The following PACSIN2 variants were observed in gnomAD, a reference collection of about 807,000 sequenced individuals.
PACSIN2 encodes protein kinase C and casein kinase substrate in neurons 2.
A neutral mutation model predicts 63.8 loss-of-function variants in PACSIN2; 25 were observed. That is an observed-to-expected ratio of 0.39 (90% CI 0.29 to 0.55). The LOEUF is 0.55. Ranked by LOEUF, PACSIN2 falls within the 20% of genes least tolerant of loss-of-function variation. PACSIN2 has a pLI of 0.62. For missense variants in PACSIN2, 518 were observed against 646.9 expected, an observed-to-expected ratio of 0.80 and a Z score of 2.16; for synonymous variants, 255 against 256.2, an observed-to-expected ratio of 1.00 and a Z score of 0.05.
At chr22:42,979,741 C>T (rs1297553383) in intron 1 of PACSIN2, among the ~76,000 whole-genome samples, 1 of 152,144 alleles carries the variant, frequency 6.6e-6, no homozygotes, top group African/African-American at 2.4e-5. Flanking sequence ...TAAACACAGA[C>T]ATTGCCTCCT....
chr22:42,876,677 G>C (rs2146631525), intron 9 of PACSIN2, among the ~76,000 whole-genome samples: 1 of 152,356 alleles, frequency 6.6e-6, no homozygotes, highest in Middle Eastern at 3.4e-3. Context: ...AGCAACTTAA[G>C]ATTGTTAGCT....
At chr22:42,966,927 T>C (rs1920964905) in intron 1 of PACSIN2, among the ~76,000 whole-genome samples, 1 of 152,242 alleles carries the variant, frequency 6.6e-6, no homozygotes, top group Non-Finnish European at 1.5e-5. Flanking sequence ...GTGTGATTTT[T>C]TTCCCCTCAT....
rs74978420 is a variant in PACSIN2, at chr22:42,934,665, G to A, written c.-77-22508C>T. Among the ~76,000 whole-genome samples the A allele has an allele frequency of 4.1e-3, 621 of 152,258 alleles. 3 individuals are homozygous for A. Among genetic ancestry groups the A allele is most frequent in the African/African-American group, 0.014 (587 of 41,556 alleles). On this transcript the variant is annotated intron_variant, in intron 1 of 10. Coordinates refer to ENST00000263246, the MANE Select transcript of PACSIN2 (RefSeq NM_001184970.3). ...CATCTCCTCCAAGAAGCCCCCCACC[G>A]TTCTAGTGACCCTTTGCCCACCACT...
intron 1 of PACSIN2, among the ~76,000 whole-genome samples, chr22:42,985,671 T>G (rs1922558441): frequency 6.6e-6 from 1 of 152,138 alleles, no homozygotes; most frequent in Non-Finnish European, 1.5e-5. Flanking sequence ...CACAGACACA[T>G]TCACATGTCA....
At chr22:42,886,730 G>A (rs1929516752) in intron 5 of PACSIN2, among the ~76,000 whole-genome samples, 1 of 152,154 alleles carries the variant, frequency 6.6e-6, no homozygotes, top group Admixed American at 6.5e-5. Context: ...GGGAGGGACT[G>A]GCCTCCTCTC....
chr22:42,878,196 C>G (rs1339856478), intron 8 of PACSIN2, among the ~76,000 whole-genome samples: 2 of 152,224 alleles, frequency 1.3e-5, no homozygotes, highest in Non-Finnish European at 2.9e-5. Context: ...TTTCTTCTTT[C>G]CCATTCCCAC....
intron 1 of PACSIN2, among the ~76,000 whole-genome samples, chr22:42,953,314 T>C (rs1198996320): frequency 5.3e-5 from 8 of 150,290 alleles, no homozygotes; most frequent in South Asian, 4.2e-4. Flanking sequence ...AAAAATGCAA[T>C]GGAAAATGGG....
intron 1 of PACSIN2, among the ~76,000 whole-genome samples, chr22:42,972,564 T>A (rs569440442): frequency 6.6e-6 from 1 of 152,118 alleles, no homozygotes; most frequent in African/African-American, 2.4e-5. Context: ...TAGTTCCTTA[T>A]ACATCTAGGA....
intron 1 of PACSIN2, among the ~76,000 whole-genome samples, chr22:42,927,338 G>A (rs1250772764): frequency 1.3e-5 from 2 of 151,456 alleles, no homozygotes; most frequent in Non-Finnish European, 2.9e-5. Flanking sequence ...CTCTGCCCCC[G>A]AGTTCAAGCA....
chr22:42,882,437 C>T (rs1241913546), intron 6 of PACSIN2, 133 bp from the exon 7 acceptor site: 1 of 988,714 alleles, frequency 1.0e-6, no homozygotes, highest in Non-Finnish European at 1.5e-6. Context: ...AGCCAGAACA[C>T]TCCTCCCTTG....
chr22:42,911,897 A>G lies in PACSIN2; in HGVS notation c.60+124T>C, dbSNP rs529500635. On this transcript the variant is annotated intron_variant, in intron 2 of 10. Coordinates refer to ENST00000263246, the MANE Select transcript of PACSIN2 (RefSeq NM_001184970.3). Reference sequence around the variant, plus strand: ...TCTGCTGCTATCTAGGTCTGACTACAAATGCATGGCTGGTTTGGGGGTATG... The same window carrying G: ...TCTGCTGCTATCTAGGTCTGACTACGAATGCATGGCTGGTTTGGGGGTATG... 4 of 699,734 alleles carry G rather than the reference A, an allele frequency of 5.7e-6. No individual in the cohort carries two copies. In the South Asian group the frequency reaches 6.7e-5, roughly 12 times the overall value. The allele number at this position is 699,734 out of a possible 1,614,324, so 43.3% of individuals were successfully genotyped here. A position where few individuals can be genotyped will look rare whatever the true frequency, so the allele number is the denominator to read the frequency against.
intron 1 of PACSIN2, among the ~76,000 whole-genome samples, chr22:42,995,319 A>T (rs961176331): frequency 6.6e-6 from 1 of 152,222 alleles, no homozygotes; most frequent in African/African-American, 2.4e-5. Flanking sequence ...TTCAATGCAA[A>T]TATTTAAAGA....
chr22:42,992,633 CAA>C (rs1923116929), intron 1 of PACSIN2, among the ~76,000 whole-genome samples: 1 of 152,176 alleles, frequency 6.6e-6, no homozygotes, highest in Non-Finnish European at 1.5e-5. Flanking sequence ...GACTGGCACA[CAA>C]ATGTTAATAG....
intron 1 of PACSIN2, among the ~76,000 whole-genome samples, chr22:42,932,400 A>G (rs752700759): frequency 2.6e-5 from 4 of 152,150 alleles, no homozygotes; most frequent in South Asian, 2.1e-4. Context: ...CCACTACCTC[A>G]GTTTTTACCT....
chr22:42,888,857 A>T, intron 4 of PACSIN2, 59 bp from the exon 5 acceptor site: 2 of 1,554,990 alleles, frequency 1.3e-6, no homozygotes, highest in Non-Finnish European at 1.8e-6. Flanking sequence ...TCCTCACTAG[A>T]AGTCACACAG....
In PACSIN2 at chr22:42,899,702, T is replaced by C. The variant is rs546260889; in HGVS notation, c.61-6089A>G. Reference sequence around the variant, plus strand: ...GCTTCATTCTGGGCTTAGATTCCCATAGAAGTGTTCCCTTTGGTCCCAGGA... The same window carrying C: ...GCTTCATTCTGGGCTTAGATTCCCACAGAAGTGTTCCCTTTGGTCCCAGGA... On this transcript the variant is annotated intron_variant, in intron 2 of 10. Coordinates refer to ENST00000263246, the MANE Select transcript of PACSIN2 (RefSeq NM_001184970.3). Among the ~76,000 whole-genome samples the C allele has an allele frequency of 5.3e-5, 8 of 152,266 alleles. No homozygotes were observed. The South Asian group carries it at 1.2e-3, about 24-fold the overall frequency.
At position 42,871,323 on chromosome 22, in the gene PACSIN2, G is replaced by T; in HGVS notation, c.*34C>A. 1 of 1,396,286 alleles carries T rather than the reference G, an allele frequency of 7.2e-7. No individual in the cohort carries two copies. The highest frequency in any genetic ancestry group is 1.0e-6 in the Non-Finnish European group (1 of 992,798). The allele number at this position is 1,396,286 out of a possible 1,614,324, so 86.5% of individuals were successfully genotyped here. A position where few individuals can be genotyped will look rare whatever the true frequency, so the allele number is the denominator to read the frequency against. On this transcript the variant is annotated 3_prime_UTR_variant, in exon 11 of 11. Coordinates refer to ENST00000263246, the MANE Select transcript of PACSIN2 (RefSeq NM_001184970.3). The surrounding 1 kb of genome is among the most constrained non-coding windows in gnomAD (Gnocchi z 5.4). ...GCTGGCTGAGGCTCCTGGGCCCGCC[G>T]CCTCCGTCCCCCCGCTGGCCTGTCC...
intron 3 of PACSIN2, among the ~76,000 whole-genome samples, chr22:42,892,543 G>A (rs1929987212): frequency 6.6e-6 from 1 of 152,220 alleles, no homozygotes; most frequent in African/African-American, 2.4e-5. Context: ...TGGGAGAGGG[G>A]CTGCAGCAGG....
chr22:42,962,054 A>G (rs1426352594), intron 1 of PACSIN2, among the ~76,000 whole-genome samples: 1 of 152,154 alleles, frequency 6.6e-6, no homozygotes. Context: ...CCACTAAGAC[A>G]GAAGCAGCGC....
Sources: gnomAD v4.1 joint callset for allele counts (sites outside exome capture counted in the v4.1 genomes callset) on GRCh38, gnomAD v4.1.1 for gene constraint, Gnocchi (gnomAD v3.1) non-coding constraint, MANE v1.5 for transcripts, NCBI Gene and HGNC (gene_info 2026-07-23, HGNC 2026-07-21) for gene names.